BCL9: variants seen among roughly 807,000 people sequenced by gnomAD.
BCL9 encodes BCL9 transcription coactivator.
A neutral mutation model predicts 88.5 loss-of-function variants in BCL9; 25 were observed. The observed-to-expected ratio is 0.28, with a 90% CI of 0.21 to 0.39. The LOEUF is 0.39. Among genes scored for constraint, BCL9 ranks in the 10% least tolerant of loss-of-function variants. The pLI is 1.00. For synonymous variants in BCL9, 711 were observed against 673.3 expected (o/e 1.06, Z -0.87); for missense variants, 1,817 against 1,877.8 (o/e 0.97, Z 0.60).
At chr1:147,560,216 G>A (rs1655313121) in intron 1 of BCL9, among the ~76,000 whole-genome samples, 1 of 152,276 alleles carries the variant, frequency 6.6e-6, no homozygotes, top group East Asian at 1.9e-4. Flanking sequence ...CAAATGCCAT[G>A]CTTCTCTCTC....
Position 147,618,913 on chromosome 1 carries a change from G to C in BCL9, c.758G>C (p.Arg253Thr), listed in dbSNP as rs942590817. 1.2e-6 allele frequency: 2 copies of C among 1,613,770 alleles called. No homozygotes were observed. The highest frequency in any genetic ancestry group is 1.7e-6 in the Non-Finnish European group (2 of 1,179,824). Residue 253 changes from arginine (R) to threonine (T), a missense_variant, in exon 8 of 10, where the codon AGA becomes ACA. By Grantham distance (71) the Arg-to-Thr change is moderately conservative (BLOSUM62 -1). Around this residue, in one of 2 missense-constraint regions of BCL9, gnomAD observed 1,228 missense variants for 1,191.6 expected, o/e 1.03. Coordinates refer to ENST00000234739, the MANE Select transcript of BCL9 (RefSeq NM_004326.4). ...NQDQNSSQNT[R>T]LQPTPPIPAP... is the part of the protein sequence containing the mutation. ...GACCAGAATTCTTCCCAGAATACCA[G>C]ACTGCAGCCAACTCCACCCATTCCG...
chr1:147,605,191 G>C (rs904704961), intron 2 of BCL9, among the ~76,000 whole-genome samples: 1 of 152,212 alleles, frequency 6.6e-6, no homozygotes. Context: ...CCATCGTTGT[G>C]TGTGAATGCA....
At chr1:147,560,138 AG>A (rs1264502571) in intron 1 of BCL9, among the ~76,000 whole-genome samples, 2 of 152,216 alleles carry the variant, frequency 1.3e-5, no homozygotes, top group Admixed American at 1.3e-4. Context: ...ACTGCTATCA[AG>A]CTTGTTGGTA....
chr1:147,612,942 G>A lies in BCL9; in HGVS notation c.113G>A (p.Gly38Glu), dbSNP rs782226710. 1.9e-6 allele frequency: 3 copies of A among 1,613,752 alleles called. No individual in the cohort carries two copies. The African/African-American group carries it at 4.0e-5, about 22-fold the overall frequency. ...VRPPTVMSPS[G>E]NPQLDSKFSN... is the part of the protein sequence containing the mutation. ...CCCCCTACAGTGATGTCCCCATCTG[G>A]AAACCCCCAGCTGGATTCCAAATTC... Residue 38 changes from glycine (G) to glutamate (E), a missense_variant, in exon 5 of 10, where the codon GGA (glycine) becomes GAA (glutamate). Transcript: ENST00000234739.
chr1:147,606,045 T>C (rs1398923759), intron 2 of BCL9, among the ~76,000 whole-genome samples: 3 of 152,218 alleles, frequency 2.0e-5, no homozygotes, highest in Non-Finnish European at 4.4e-5. Context: ...AATTTAGCCC[T>C]AAGACAGTCT....
chr1:147,593,689 A>G (rs1269521268), intron 1 of BCL9, among the ~76,000 whole-genome samples: 1 of 152,188 alleles, frequency 6.6e-6, no homozygotes, highest in Non-Finnish European at 1.5e-5. Flanking sequence ...TTATTAATGA[A>G]TGAGCCCTCC....
Position 147,612,970 on chromosome 1 carries a change from C to A in BCL9, c.141C>A (p.Ser47=). The A allele has an allele frequency of 6.2e-7, 1 of 1,612,854 alleles. No homozygotes were observed. Among genetic ancestry groups the A allele is most frequent in the Non-Finnish European group, 8.5e-7 (1 of 1,179,448 alleles). The part of the protein sequence containing the change: ...SGNPQLDSKF[S]NQGKQGGSAS... ...ACCCCCAGCTGGATTCCAAATTCTC[C>A]AATCAGGGTAAACAGGGGGGCTCAG... Residue 47 remains serine (S), a synonymous_variant, in exon 5 of 10, where the codon TCC becomes TCA. Coordinates refer to ENST00000234739, the MANE Select transcript of BCL9 (RefSeq NM_004326.4).
At chr1:147,603,685 T>TA (rs1657514613) in intron 1 of BCL9, among the ~76,000 whole-genome samples, 1 of 151,174 alleles carries the variant, frequency 6.6e-6, no homozygotes, top group Non-Finnish European at 1.5e-5. Flanking sequence ...TAAATTTTTT[T>TA]TTTTAGTGGA....
At chr1:147,547,673 T>G (rs1654665595) in intron 1 of BCL9, among the ~76,000 whole-genome samples, 1 of 152,202 alleles carries the variant, frequency 6.6e-6, no homozygotes, top group African/African-American at 2.4e-5. Flanking sequence ...TTCCTGACAT[T>G]GAATATCTTG....
chr1:147,615,544 G>T (rs1459177879), intron 6 of BCL9, among the ~76,000 whole-genome samples: 1 of 152,184 alleles, frequency 6.6e-6, no homozygotes, highest in Non-Finnish European at 1.5e-5. Context: ...TTAGTTTCAG[G>T]AGAAAATCTT....
At chr1:147,583,771 G>A (rs1440050828) in intron 1 of BCL9, among the ~76,000 whole-genome samples, 2 of 151,126 alleles carry the variant, frequency 1.3e-5, no homozygotes, top group Non-Finnish European at 2.9e-5. Flanking sequence ...TGGTCAACAT[G>A]GCAAAACCCC....
chr1:147,575,559 C>G (rs1656069859), intron 1 of BCL9, among the ~76,000 whole-genome samples: 1 of 152,082 alleles, frequency 6.6e-6, no homozygotes, highest in African/African-American at 2.4e-5. Flanking sequence ...TTACATCATG[C>G]TTCCTTTTTT....
chr1:147,551,721 T>G (rs1654911439), intron 1 of BCL9, among the ~76,000 whole-genome samples: 1 of 152,140 alleles, frequency 6.6e-6, no homozygotes, highest in African/African-American at 2.4e-5. Context: ...TCACTCACCA[T>G]GTGATGCCTT....
chr1:147,616,202 A>G (rs965723796), intron 7 of BCL9, among the ~76,000 whole-genome samples: 3 of 152,142 alleles, frequency 2.0e-5, no homozygotes, highest in Non-Finnish European at 2.9e-5. Context: ...CTAAATTCAG[A>G]CCCTGTGTAC....
In BCL9 at chr1:147,619,104, G is replaced by T. The variant is rs781910370; in HGVS notation, c.949G>T (p.Val317Phe). Reference protein sequence around the residue: ...STPNNRAVTPVSQGSNSSSAD... With the variant: ...STPNNRAVTPFSQGSNSSSAD... Reference sequence around the variant, plus strand: ...TCCCAACAATAGGGCAGTGACCCCTGTCTCCCAGGGGAGCAATAGCTCTTC... The same window carrying T: ...TCCCAACAATAGGGCAGTGACCCCTTTCTCCCAGGGGAGCAATAGCTCTTC... The change falls in exon 8 of 10, where the codon GTC (valine) becomes TTC (phenylalanine). Residue 317 changes from valine (V) to phenylalanine (F), a missense_variant. Coordinates refer to ENST00000234739, the MANE Select transcript of BCL9 (RefSeq NM_004326.4). The surrounding 1 kb of genome is among the most constrained non-coding windows in gnomAD (Gnocchi z 4.1). 12 of 1,613,820 alleles carry T rather than the reference G, an allele frequency of 7.4e-6. No individual in the cohort carries two copies. Among genetic ancestry groups the T allele is most frequent in the African/African-American group, 1.3e-5 (1 of 75,036 alleles).
rs1354553382 is a variant in BCL9, at chr1:147,625,718, C to T, written c.*759C>T. On this transcript the variant is annotated 3_prime_UTR_variant, in exon 10 of 10. Transcript: ENST00000234739. ...CTGGCACATTTTTCTCTTGTTTTCT[C>T]TCTCCGATTTTGCTCTGTCTCCTCA... 4.3e-6 allele frequency: 1 copy of T among 233,146 alleles called. No homozygotes were observed. Among genetic ancestry groups the T allele is most frequent in the Non-Finnish European group, 8.5e-6 (1 of 117,752 alleles). 14.4% of individuals were successfully genotyped at this position (233,146 alleles called of 1,614,324 possible).
In BCL9 at chr1:147,619,718, C is replaced by T. The variant is rs782396702; in HGVS notation, c.1563C>T (p.Thr521=). Reference sequence around the variant, plus strand: ...GACCCCCCCCTCCATACCAGATGACCCCTAGTGAAGGCTGGGCACCTGGGG... The same window carrying T: ...GACCCCCCCCTCCATACCAGATGACTCCTAGTGAAGGCTGGGCACCTGGGG... ...VRGPPPPYQM[T]PSEGWAPGGT... Residue 521 remains threonine, a synonymous_variant, in exon 8 of 10, where the codon ACC becomes ACT. Transcript: ENST00000234739. This position sits in a 1 kb window ranked among gnomAD's most constrained non-coding sequence, Gnocchi z 4.1. The T allele has an allele frequency of 3.7e-6, 6 of 1,614,042 alleles. No homozygotes were observed. Among genetic ancestry groups the T allele is most frequent in the Admixed American group, 1.7e-5 (1 of 60,020 alleles).
intron 3 of BCL9, among the ~76,000 whole-genome samples, chr1:147,610,972 A>G (rs757901061): frequency 2.2e-4 from 34 of 152,344 alleles, no homozygotes; most frequent in Middle Eastern, 3.4e-3. Context: ...GGCATAATTT[A>G]ATAGAAAGAT....
intron 6 of BCL9, among the ~76,000 whole-genome samples, chr1:147,614,844 C>CT (rs782119688): frequency 0.99 from 141,033 of 142,308 alleles, 69,895 homozygotes; most frequent in East Asian, 1. Flanking sequence ...ATCTCTTTTT[C>CT]TTTTTTTTTT....
Sources: allele counts gnomAD v4.1 joint callset (sites outside exome capture counted in the v4.1 genomes callset), GRCh38; gene constraint gnomAD v4.1.1; regional missense constraint gnomAD v4.1.1; non-coding constraint Gnocchi (gnomAD v3.1); transcripts MANE v1.5; gene names NCBI Gene and HGNC (gene_info 2026-07-23, HGNC 2026-07-21).